CIT: variants seen among roughly 807,000 people sequenced by gnomAD.
CIT encodes citron rho-interacting serine/threonine kinase, also known as citron Rho-interacting kinase.
A neutral mutation model predicts 272.7 loss-of-function variants in CIT; 79 were observed. The ratio of observed to expected loss-of-function variants is 0.29; its 90% CI spans 0.24 to 0.35. The LOEUF is 0.35. Among genes scored for constraint, CIT ranks in the 10% least tolerant of loss-of-function variants. The probability of loss-of-function intolerance (pLI) is 1.00; values close to 1 mark genes in which losing one functional copy is unlikely to be tolerated. For synonymous variants in CIT, 948 were observed against 995.6 expected (o/e 0.95, Z 0.90); for missense variants, 1,909 against 2,618.3 (o/e 0.73, Z 5.91).
chr12:119,834,792 A>T (rs1968882525), intron 5 of CIT, among the ~76,000 whole-genome samples: 1 of 152,240 alleles, frequency 6.6e-6, no homozygotes. Context: ...GATAAATAGA[A>T]AGATAAATAG....
At chr12:119,851,414 T>C (rs1970216059) in intron 4 of CIT, among the ~76,000 whole-genome samples, 2 of 152,206 alleles carry the variant, frequency 1.3e-5, no homozygotes, top group South Asian at 4.1e-4. Context: ...TCTTGGCCTC[T>C]AAACACCATT....
Position 119,876,108 on chromosome 12 carries a change from C to G in CIT, c.61G>C (p.Ala21Pro). The stretch of plus-strand genomic sequence containing the variant: ...AGATTCAGCCTGGAGGCCCGGCTGG[C>G]AATGGGTTCAGCAGCACCAGCATCC... ...PLDAGAAEPIASRASRLNLFF... is the reference protein window; with the variant it reads ...PLDAGAAEPIPSRASRLNLFF... The change falls in exon 2 of 48, where the codon GCC (alanine) becomes CCC (proline). Residue 21 changes from alanine to proline, a missense_variant. Ala to Pro is a conservative substitution (Grantham distance 27). Coordinates refer to ENST00000392521, the MANE Select transcript of CIT (RefSeq NM_001206999.2). 1 of 1,613,904 alleles carries G rather than the reference C, an allele frequency of 6.2e-7. No individual in the cohort carries two copies. The highest frequency in any genetic ancestry group is 8.5e-7 in the Non-Finnish European group (1 of 1,179,894).
chr12:119,760,239 T>C (rs1593631045), intron 20 of CIT, among the ~76,000 whole-genome samples: 1 of 142,120 alleles, frequency 7.0e-6, no homozygotes, highest in Non-Finnish European at 1.5e-5. Flanking sequence ...CTTGGTGGAG[T>C]GCAGATAAAT....
intron 28 of CIT, among the ~76,000 whole-genome samples, chr12:119,723,045 A>T (rs1957886196): frequency 6.7e-6 from 1 of 149,036 alleles, no homozygotes; most frequent in South Asian, 2.1e-4. Context: ...ACAGAGCAAG[A>T]CCCTGTCTCT....
chr12:119,704,271 T>C lies in CIT; in HGVS notation c.5304+92A>G. ...AGGGTAGAAGGAACCCAGTACAGGCTGTGTCCCAGGACAGTGCACTTTCCA... is the reference window on the plus strand; with the variant it reads ...AGGGTAGAAGGAACCCAGTACAGGCCGTGTCCCAGGACAGTGCACTTTCCA... On this transcript the variant is annotated intron_variant, in intron 41 of 47. Coordinates refer to ENST00000392521, the MANE Select transcript of CIT (RefSeq NM_001206999.2). 6 of 1,186,862 alleles carry C rather than the reference T, an allele frequency of 5.1e-6. 1 individual carries two copies. The highest frequency in any genetic ancestry group is 4.7e-5 in the East Asian group (2 of 42,628). 73.5% of individuals were successfully genotyped at this position (1,186,862 alleles called of 1,614,324 possible). A position where few individuals can be genotyped will look rare whatever the true frequency, so the allele number is the denominator to read the frequency against.
rs114812014 is a variant in CIT at position 119,694,714 on chromosome 12, G to A, written c.5882+2945C>T. On this transcript the variant is annotated intron_variant, in intron 46 of 47. Coordinates refer to ENST00000392521, the MANE Select transcript of CIT (RefSeq NM_001206999.2). This position sits in a 1 kb window ranked among gnomAD's most constrained non-coding sequence, Gnocchi z 4.5. ...AGCTACTCGGGGGGAGGCTGAAGTC[G>A]GGGGCTCTCTTGAGCCCAGGAGGCG... 0.028 allele frequency among the ~76,000 whole-genome samples: 4,307 copies of A among 152,170 alleles called. 202 individuals are homozygous for A. The highest frequency in any genetic ancestry group is 0.099 in the African/African-American group (4,119 of 41,484).
chr12:119,822,699 G>C, intron 9 of CIT, 121 bp downstream of exon 9: 1 of 1,020,926 alleles, frequency 9.8e-7, no homozygotes, highest in South Asian at 1.6e-5. Flanking sequence ...TACTCCTGTA[G>C]ATAATTAAAG....
chr12:119,787,371 C>G (rs938067795), intron 10 of CIT, among the ~76,000 whole-genome samples: 1 of 151,718 alleles, frequency 6.6e-6, no homozygotes, highest in South Asian at 2.1e-4. Flanking sequence ...TTCAAGGCTA[C>G]AGTGAGCTAC....
intron 23 of CIT, among the ~76,000 whole-genome samples, chr12:119,745,093 A>T (rs1253121477): frequency 6.6e-6 from 1 of 151,960 alleles, no homozygotes; most frequent in Non-Finnish European, 1.5e-5. Context: ...AAAGCCATAA[A>T]CCCACAGATG....
At chr12:119,873,148 T>A (rs1210716929) in intron 2 of CIT, among the ~76,000 whole-genome samples, 1 of 151,996 alleles carries the variant, frequency 6.6e-6, no homozygotes, top group East Asian at 1.9e-4. Context: ...ACCTCTGTCA[T>A]GAGGCTGAAG....
chr12:119,730,142 G>C (rs1162054874), intron 27 of CIT, among the ~76,000 whole-genome samples: 1 of 152,066 alleles, frequency 6.6e-6, no homozygotes, highest in African/African-American at 2.4e-5. Context: ...CTGCCACCAA[G>C]AACTTCCCAA....
At chr12:119,855,316 G>T (rs918788374) in intron 4 of CIT, among the ~76,000 whole-genome samples, 2 of 151,804 alleles carry the variant, frequency 1.3e-5, no homozygotes, top group Admixed American at 1.3e-4. Context: ...CCAGCTACTC[G>T]GGAGGCTGAG....
intron 9 of CIT, among the ~76,000 whole-genome samples, chr12:119,813,804 C>T (rs1298738073): frequency 6.6e-6 from 1 of 152,194 alleles, no homozygotes; most frequent in Non-Finnish European, 1.5e-5. Context: ...GGTACACTTC[C>T]GAGGGATGGG....
intron 26 of CIT, among the ~76,000 whole-genome samples, chr12:119,731,680 C>A (rs1433481248): frequency 1.3e-5 from 2 of 151,596 alleles, no homozygotes; most frequent in Non-Finnish European, 2.9e-5. Flanking sequence ...TGCTACTCTG[C>A]AAACTCAAAT....
At chr12:119,729,556 AG>A (rs1488765738) in intron 27 of CIT, among the ~76,000 whole-genome samples, 1 of 152,236 alleles carries the variant, frequency 6.6e-6, no homozygotes, top group Non-Finnish European at 1.5e-5. Context: ...TAATAAAAAC[AG>A]GTAAAGCTGT....
rs756114686 is a variant in CIT, at chr12:119,825,303, G to A, written c.819C>T (p.Asn273=). Residue 273 remains asparagine (N), a synonymous_variant, in exon 8 of 48, where the codon AAC becomes AAT. Transcript: ENST00000392521. ...YMAPEVLTVM[N]GDGKGTYGLD... ...GGCCGTAGGTGCCTTTTCCATCCCC[G>A]TTCATCACAGTCAGCACTTCAGGAG... 1.2e-5 allele frequency: 19 copies of A among 1,613,904 alleles called. No homozygotes were observed. Among genetic ancestry groups the A allele is most frequent in the South Asian group, 4.4e-5 (4 of 91,064 alleles).
chr12:119,700,028 A>G, intron 44 of CIT: 1 of 413,924 alleles, frequency 2.4e-6, no homozygotes, highest in Non-Finnish European at 4.9e-6. Flanking sequence ...TGTTCATCGT[A>G]GTGTTGTTTA....
At chr12:119,819,476 A>G (rs967121826) in intron 9 of CIT, among the ~76,000 whole-genome samples, 4 of 152,226 alleles carry the variant, frequency 2.6e-5, no homozygotes, top group African/African-American at 9.6e-5. Context: ...CTTAAATTGC[A>G]TTTATATATC....
chr12:119,726,872 C>CAAAAG (rs1958142817), intron 28 of CIT, among the ~76,000 whole-genome samples: 1 of 152,098 alleles, frequency 6.6e-6, no homozygotes, highest in Admixed American at 6.6e-5. Context: ...CCAGCCATCA[C>CAAAAG]GTAAGGGATG....
Sources: gnomAD v4.1 joint callset for allele counts (sites outside exome capture counted in the v4.1 genomes callset) on GRCh38, gnomAD v4.1.1 for gene constraint, Gnocchi (gnomAD v3.1) non-coding constraint, MANE v1.5 for transcripts, NCBI Gene and HGNC (gene_info 2026-07-23, HGNC 2026-07-21) for gene names.